VPS13B: variants seen among roughly 807,000 people sequenced by gnomAD.
VPS13B encodes intermembrane lipid transfer protein VPS13B.
In VPS13B, 285 loss-of-function variants were observed where a neutral mutation model predicts 426.4. The observed-to-expected ratio is 0.67, with a 90% CI of 0.61 to 0.74. The LOEUF (loss-of-function observed/expected upper bound fraction) is 0.74, where lower values mean the gene tolerates loss of function less well. VPS13B is among the 30% of genes least tolerant of loss of function. The pLI is 0.00. For missense variants in VPS13B, 4,537 were observed against 4,782.6 expected (o/e 0.95, Z 1.51); for synonymous variants, 1,676 against 1,676.4 (o/e 1.00, Z 0.01).
chr8:99,800,676 A>G (rs931737832), intron 43 of VPS13B, among the ~76,000 whole-genome samples: 1 of 152,158 alleles, frequency 6.6e-6, no homozygotes, highest in African/African-American at 2.4e-5. Context: ...AAAATAATTT[A>G]AATGAAAAAT....
intron 2 of VPS13B, among the ~76,000 whole-genome samples, chr8:99,031,375 C>T (rs531174884): frequency 4.3e-4 from 65 of 151,932 alleles, no homozygotes; most frequent in Non-Finnish European, 6.9e-4. Flanking sequence ...ACTGTGAATT[C>T]TTTTCAGGTA....
chr8:99,854,757 G>A lies in VPS13B; in HGVS notation c.10867+501G>A, dbSNP rs142885357. Among the ~76,000 whole-genome samples, 59 of 152,270 alleles carry A rather than the reference G, an allele frequency of 3.9e-4. No individual in the cohort carries two copies. The East Asian group carries it at 8.9e-3, about 23-fold the overall frequency. On this transcript the variant is annotated intron_variant, in intron 56 of 61. Coordinates refer to ENST00000357162, the MANE Select transcript of VPS13B (RefSeq NM_152564.5). ...TTCTTCATTGCTATTTATGAATAGC[G>A]GTAGGTGAGAAATTCAGAGGATTTG...
chr8:99,696,253 C>G (rs982190966), intron 35 of VPS13B: 1 of 194,564 alleles, frequency 5.1e-6, no homozygotes, highest in Non-Finnish European at 1.1e-5. Flanking sequence ...AGGACAAGAA[C>G]AAGAAGCTTG....
chr8:99,328,840 A>T (rs1009844451), intron 19 of VPS13B, among the ~76,000 whole-genome samples: 8 of 152,140 alleles, frequency 5.3e-5, no homozygotes, highest in African/African-American at 1.9e-4. Context: ...GAATTCATAC[A>T]TCTGAAAATT....
At chr8:99,068,318 C>G (rs1318891704) in intron 3 of VPS13B, among the ~76,000 whole-genome samples, 1 of 151,982 alleles carries the variant, frequency 6.6e-6, no homozygotes, top group African/African-American at 2.4e-5. Flanking sequence ...AACTTTTTGC[C>G]TTTTATAATG....
intron 23 of VPS13B, among the ~76,000 whole-genome samples, chr8:99,460,546 C>T (rs1477864498): frequency 6.6e-6 from 1 of 152,132 alleles, no homozygotes; most frequent in Non-Finnish European, 1.5e-5. Flanking sequence ...TTGTCATACC[C>T]AGTGCTCTTC....
At chr8:99,250,628 G>T (rs114969565) in intron 17 of VPS13B, among the ~76,000 whole-genome samples, 2,916 of 140,718 alleles carry the variant, frequency 0.021, 111 homozygotes, top group African/African-American at 0.073. Context: ...TCTCTGTTTG[G>T]GTTCTTCATT....
intron 19 of VPS13B, among the ~76,000 whole-genome samples, chr8:99,332,285 C>A (rs4735611): frequency 6.6e-6 from 1 of 151,248 alleles, no homozygotes; most frequent in Non-Finnish European, 1.5e-5. Flanking sequence ...AAATAGTAAA[C>A]CTGAGATAAT....
intron 17 of VPS13B, among the ~76,000 whole-genome samples, chr8:99,269,674 T>C (rs1818476448): frequency 6.6e-6 from 1 of 152,192 alleles, no homozygotes; most frequent in Admixed American, 6.5e-5. Flanking sequence ...TTTCACCACA[T>C]TGCTTCCCTA....
chr8:99,634,268 G>A (rs971179853), intron 33 of VPS13B, among the ~76,000 whole-genome samples: 3 of 151,772 alleles, frequency 2.0e-5, no homozygotes, highest in African/African-American at 7.3e-5. Context: ...AATGATCTAG[G>A]TGTTATAGTC....
intron 19 of VPS13B, among the ~76,000 whole-genome samples, chr8:99,360,210 CTT>C (rs771063547): frequency 0.066 from 1,367 of 20,804 alleles, 87 homozygotes; most frequent in African/African-American, 0.12. Context: ...CTCTCTCTCT[CTT>C]TCTTTCTTTC....
At chr8:99,779,581 T>C (rs2130682929) in intron 42 of VPS13B, among the ~76,000 whole-genome samples, 1 of 152,300 alleles carries the variant, frequency 6.6e-6, no homozygotes, top group Middle Eastern at 3.4e-3. Context: ...TTAGAGAGCC[T>C]TGATTATTTT....
At chr8:99,170,255 A>G in intron 16 of VPS13B, 92 bp downstream of exon 16, 5 of 1,465,816 alleles carry the variant, frequency 3.4e-6, no homozygotes, top group Non-Finnish European at 4.7e-6. Flanking sequence ...TGCCCATGCT[A>G]GTTTTATACA....
At chr8:99,589,059 G>A (rs893804494) in intron 33 of VPS13B, among the ~76,000 whole-genome samples, 4 of 151,794 alleles carry the variant, frequency 2.6e-5, no homozygotes, top group African/African-American at 9.7e-5. Context: ...AGATAATCAT[G>A]TGGTTTTTGT....
chr8:99,507,111 A>G, intron 27 of VPS13B, 26 bp from the exon 28 acceptor site: 3 of 1,613,648 alleles, frequency 1.9e-6, no homozygotes. Flanking sequence ...TGAAGAGAAC[A>G]GATAAGGTGA....
chr8:99,380,412 A>T lies in VPS13B; in HGVS notation c.2825-3796A>T, dbSNP rs537200057. Reference sequence around the variant, plus strand: ...CTTTAATTATGACTCCCATTTTGCAATCATCTTGTGTTTGCTTAGCTTTTC... The same window carrying T: ...CTTTAATTATGACTCCCATTTTGCATTCATCTTGTGTTTGCTTAGCTTTTC... On this transcript the variant is annotated intron_variant, in intron 19 of 61. Transcript: ENST00000357162. Among the ~76,000 whole-genome samples the T allele has an allele frequency of 7.2e-5, 11 of 152,228 alleles. No individual in the cohort carries two copies. In the South Asian group the frequency reaches 1.7e-3, roughly 23 times the overall value.
At chr8:99,394,299 G>A (rs771658755) in intron 21 of VPS13B, among the ~76,000 whole-genome samples, 1 of 152,062 alleles carries the variant, frequency 6.6e-6, no homozygotes, top group Non-Finnish European at 1.5e-5. Flanking sequence ...ATATATAGTG[G>A]TTTTGACACA....
Position 99,121,255 on chromosome 8 carries a change from AGGAGCAGCCACAGGGATGGGTGTCATGG to A in VPS13B, c.1018_1045del (p.Glu340ProfsTer9), listed in dbSNP as rs762035103. On this transcript the variant is annotated frameshift_variant, in exon 8 of 62. Coordinates refer to ENST00000357162, the MANE Select transcript of VPS13B (RefSeq NM_152564.5). LOFTEE classifies it high-confidence loss of function. The stretch of plus-strand genomic sequence containing the variant: ...CAAGAGTTATATTCACAGCAAGATG[AGGAGCAGCCACAGGGATGGGTGTCATGG>A]GCCTGGTCCTTTGTGCCTGCAATTG... The A allele has an allele frequency of 1.9e-6, 3 of 1,614,178 alleles. No homozygotes were observed. In the East Asian group the frequency reaches 6.7e-5, roughly 36 times the overall value.
In VPS13B at chr8:99,271,683, T is replaced by C. The variant is rs542575526; in HGVS notation, c.2516-2515T>C. Among the ~76,000 whole-genome samples the C allele has an allele frequency of 4.7e-4, 72 of 152,322 alleles. 1 individual carries two copies. The highest frequency in any genetic ancestry group is 1.5e-3 in the African/African-American group (61 of 41,582). ...GGAGGGCTCAGGAAACTTACAATTA[T>C]GGCAGAATGCGAAGGGGAAGCAAGT... On this transcript the variant is annotated intron_variant, in intron 17 of 61. Coordinates refer to ENST00000357162, the MANE Select transcript of VPS13B (RefSeq NM_152564.5).
Sources: gnomAD v4.1 joint callset for allele counts (sites outside exome capture counted in the v4.1 genomes callset) on GRCh38, gnomAD v4.1.1 for gene constraint, MANE v1.5 for transcripts, NCBI Gene and HGNC (gene_info 2026-07-23, HGNC 2026-07-21) for gene names.